Variants in SHOC2 observed in about 807,000 individuals in gnomAD.
SHOC2 encodes the protein SHOC2 leucine rich repeat scaffold protein.
SHOC2 carries 4 observed loss-of-function variants against 50.2 expected under a neutral mutation model. That is an observed-to-expected ratio of 0.08 (90% CI 0.04 to 0.18). The LOEUF (loss-of-function observed/expected upper bound fraction) is 0.18. Ranked by LOEUF, SHOC2 falls within the 10% of genes least tolerant of loss-of-function variation. The pLI, the probability that SHOC2 is intolerant of heterozygous loss-of-function variation, is 1.00. For missense variants in SHOC2, 388 were observed against 669.6 expected (o/e 0.58, Z 4.64); for synonymous variants, 218 against 244.5 (o/e 0.89, Z 1.01).
intron 3 of SHOC2, among the ~76,000 whole-genome samples, chr10:110,994,110 A>AT (rs759677179): frequency 0.023 from 3,407 of 147,870 alleles, 53 homozygotes; most frequent in Non-Finnish European, 0.033. Flanking sequence ...GTTTACTTCC[A>AT]TTTTTTTTTT....
chr10:110,948,075 T>C lies in SHOC2; in HGVS notation c.-234-16050T>C, dbSNP rs112280544. Among the ~76,000 whole-genome samples, 1,180 of 152,312 alleles carry C rather than the reference T, an allele frequency of 7.7e-3. 4 individuals are homozygous for C. Among genetic ancestry groups the C allele is most frequent in the Non-Finnish European group, 0.011 (770 of 68,014 alleles). On this transcript the variant is annotated intron_variant, in intron 1 of 8. Coordinates refer to ENST00000369452, the MANE Select transcript of SHOC2 (RefSeq NM_007373.4). ...GGTAACCAGAAGAGAATGGGGTGGC[T>C]ATATTTATGTAAGATAAAATAGACT...
At chr10:110,968,816 A>AT (rs762898413) in intron 2 of SHOC2, among the ~76,000 whole-genome samples, 8 of 152,038 alleles carry the variant, frequency 5.3e-5, no homozygotes, top group Non-Finnish European at 7.4e-5. Context: ...AATAAAAATA[A>AT]TTTTTTTAAA....
At chr10:110,949,148 A>G (rs190089103) in intron 1 of SHOC2, among the ~76,000 whole-genome samples, 1 of 152,198 alleles carries the variant, frequency 6.6e-6, no homozygotes, top group Non-Finnish European at 1.5e-5. Flanking sequence ...CAACTGTAGA[A>G]GAGATAATGA....
chr10:110,981,199 C>A (rs1156989838), intron 2 of SHOC2, among the ~76,000 whole-genome samples: 1 of 152,196 alleles, frequency 6.6e-6, no homozygotes, highest in Admixed American at 6.5e-5. Context: ...CAGAGACTCT[C>A]TAGCCTCCCT....
At chr10:110,984,478 T>C (rs987176489) in intron 2 of SHOC2, among the ~76,000 whole-genome samples, 4 of 152,278 alleles carry the variant, frequency 2.6e-5, no homozygotes, top group Admixed American at 2.0e-4. Flanking sequence ...CATAGTATCC[T>C]CTGATGCACT....
chr10:110,959,383 A>G (rs1013773160), intron 1 of SHOC2, among the ~76,000 whole-genome samples: 1 of 152,246 alleles, frequency 6.6e-6, no homozygotes, highest in Admixed American at 6.5e-5. Context: ...CTAGTTATAT[A>G]TCTGGTAGGT....
chr10:110,984,908 A>G (rs544777176), intron 2 of SHOC2, among the ~76,000 whole-genome samples: 1 of 152,196 alleles, frequency 6.6e-6, no homozygotes, highest in African/African-American at 2.4e-5. Flanking sequence ...CTCACAATCA[A>G]CTTGAACACC....
chr10:110,987,892 G>C (rs966001995), intron 3 of SHOC2, among the ~76,000 whole-genome samples: 1 of 152,110 alleles, frequency 6.6e-6, no homozygotes, highest in Middle Eastern at 3.2e-3. Flanking sequence ...AGACCAAAGT[G>C]ATGATCTCTA....
intron 2 of SHOC2, among the ~76,000 whole-genome samples, chr10:110,980,347 G>A (rs1052052723): frequency 1.3e-5 from 2 of 151,828 alleles, no homozygotes; most frequent in African/African-American, 4.8e-5. Context: ...TAGTAGAGAC[G>A]GGGTTTCACC....
At chr10:110,975,645 G>A (rs552311215) in intron 2 of SHOC2, among the ~76,000 whole-genome samples, 1 of 151,836 alleles carries the variant, frequency 6.6e-6, no homozygotes, top group Non-Finnish European at 1.5e-5. Flanking sequence ...TTTTGTCAAG[G>A]ATGCCACAGT....
chr10:110,976,551 A>G (rs993263747), intron 2 of SHOC2, among the ~76,000 whole-genome samples: 3 of 152,060 alleles, frequency 2.0e-5, no homozygotes, highest in East Asian at 1.9e-4. Context: ...GGCTCAAGCA[A>G]TCCATCCACC....
At chr10:111,005,207 A>G (rs1848446231) in intron 5 of SHOC2, among the ~76,000 whole-genome samples, 1 of 152,068 alleles carries the variant, frequency 6.6e-6, no homozygotes, top group Non-Finnish European at 1.5e-5. Context: ...CTGGGAGTTC[A>G]AGGCTGCAGT....
intron 4 of SHOC2, among the ~76,000 whole-genome samples, chr10:111,003,998 T>C (rs1418305815): frequency 6.6e-6 from 1 of 152,224 alleles, no homozygotes; most frequent in East Asian, 1.9e-4. Context: ...GATGGGGTTA[T>C]GTGCTAAGTA....
At chr10:110,928,675 C>T (rs1846825277) in intron 1 of SHOC2, among the ~76,000 whole-genome samples, 3 of 151,606 alleles carry the variant, frequency 2.0e-5, no homozygotes, top group Admixed American at 1.3e-4. Flanking sequence ...GCAGATGGAT[C>T]GCTTGACTCA....
chr10:110,936,825 A>G, intron 1 of SHOC2: 3 of 1,267,258 alleles, frequency 2.4e-6, no homozygotes, highest in Non-Finnish European at 3.4e-6. Flanking sequence ...TGCCCCAGAT[A>G]GGCAAACTTT....
chr10:110,938,504 A>G (rs1847073354), intron 1 of SHOC2, among the ~76,000 whole-genome samples: 1 of 152,184 alleles, frequency 6.6e-6, no homozygotes, highest in South Asian at 2.1e-4. Context: ...TTAATTTGAT[A>G]ATAGTGCCTA....
chr10:110,992,466 C>G (rs1848201619), intron 3 of SHOC2, among the ~76,000 whole-genome samples: 1 of 152,106 alleles, frequency 6.6e-6, no homozygotes, highest in Non-Finnish European at 1.5e-5. Flanking sequence ...TTAAAGCCTT[C>G]TGGTACCTCT....
chr10:111,003,082 T>C (rs1341516078), intron 4 of SHOC2, among the ~76,000 whole-genome samples: 1 of 152,230 alleles, frequency 6.6e-6, no homozygotes, highest in African/African-American at 2.4e-5. Context: ...TGTACAACAA[T>C]ACACAAATTT....
At chr10:110,983,258 A>T (rs1848016701) in intron 2 of SHOC2, among the ~76,000 whole-genome samples, 1 of 151,702 alleles carries the variant, frequency 6.6e-6, no homozygotes. Flanking sequence ...ATAAACATTG[A>T]TTTTTTTCCA....
Sources: gnomAD v4.1 joint callset for allele counts (sites outside exome capture counted in the v4.1 genomes callset) on GRCh38, gnomAD v4.1.1 for gene constraint, MANE v1.5 for transcripts, NCBI Gene and HGNC (gene_info 2026-07-23, HGNC 2026-07-21) for gene names.